SUFU: variants seen among roughly 807,000 people sequenced by gnomAD.
SUFU encodes the protein SUFU negative regulator of hedgehog signaling.
Under a neutral mutation model 58.9 loss-of-function variants are expected in SUFU, and 7 were observed. That is an observed-to-expected ratio of 0.12 (90% confidence interval 0.07 to 0.22). The LOEUF is 0.22. Ranked by LOEUF, SUFU falls within the 10% of genes least tolerant of loss-of-function variation. SUFU has a pLI of 1.00. For missense variants in SUFU, 451 were observed against 641.3 expected, an observed-to-expected ratio of 0.70 and a Z score of 3.20; for synonymous variants, 232 against 254.8, an observed-to-expected ratio of 0.91 and a Z score of 0.85.
At chr10:102,523,794 T>TCATG (rs763224567) in intron 2 of SUFU, among the ~76,000 whole-genome samples, 1 of 152,242 alleles carries the variant, frequency 6.6e-6, no homozygotes, top group Non-Finnish European at 1.5e-5. Context: ...GACACTCATC[T>TCATG]CATGAATCAT....
intron 6 of SUFU, among the ~76,000 whole-genome samples, chr10:102,594,869 C>G (rs1390657952): frequency 6.7e-6 from 1 of 149,768 alleles, no homozygotes; most frequent in Middle Eastern, 3.2e-3. Flanking sequence ...CAGGCGCCCA[C>G]CACCACGCCC....
chr10:102,568,962 ATC>A (rs1554849321), intron 3 of SUFU, among the ~76,000 whole-genome samples: 2 of 80,924 alleles, frequency 2.5e-5, no homozygotes, highest in Non-Finnish European at 4.7e-5. Flanking sequence ...ATATATATAT[ATC>A]TATAGCAGTG....
chr10:102,585,203 A>G (rs1264648833), intron 3 of SUFU, among the ~76,000 whole-genome samples: 2 of 152,166 alleles, frequency 1.3e-5, no homozygotes, highest in African/African-American at 4.8e-5. Flanking sequence ...CATCACCATA[A>G]AAAAAGAACC....
At chr10:102,607,060 A>ATTTTTTTT (rs34836365) in intron 8 of SUFU, among the ~76,000 whole-genome samples, 4 of 143,928 alleles carry the variant, frequency 2.8e-5, no homozygotes, top group Admixed American at 1.4e-4. Flanking sequence ...GGTAAGAGTA[A>ATTTTTTTT]TTTTTTTTTT....
chr10:102,504,819 C>G (rs1465016307), intron 1 of SUFU, among the ~76,000 whole-genome samples: 2 of 151,868 alleles, frequency 1.3e-5, no homozygotes, highest in African/African-American at 2.4e-5. Flanking sequence ...GCCCAGGGCT[C>G]TCCTGTGGTG....
intron 10 of SUFU, among the ~76,000 whole-genome samples, chr10:102,621,497 G>A (rs1409760359): frequency 5.3e-5 from 8 of 152,190 alleles, no homozygotes; most frequent in East Asian, 3.9e-4. Flanking sequence ...ACTGCAGCCC[G>A]CTACCTGCCG....
At chr10:102,573,146 G>A in intron 3 of SUFU, 1 of 772,662 alleles carries the variant, frequency 1.3e-6, no homozygotes, top group Non-Finnish European at 2.3e-6. Flanking sequence ...TTTCAACACT[G>A]CCTTCTTGGC....
intron 3 of SUFU, among the ~76,000 whole-genome samples, chr10:102,580,288 C>T (rs1274894565): frequency 6.6e-6 from 1 of 152,180 alleles, no homozygotes; most frequent in Admixed American, 6.5e-5. Flanking sequence ...CTTTTCCTCT[C>T]CTTGCAGGAG....
chr10:102,517,094 G>C (rs2062480255), intron 2 of SUFU, among the ~76,000 whole-genome samples: 1 of 146,212 alleles, frequency 6.8e-6, no homozygotes, highest in Non-Finnish European at 1.5e-5. Flanking sequence ...TTGCACTCTA[G>C]CCTGGGCAAT....
At chr10:102,514,878 C>G (rs765026625) in intron 2 of SUFU, among the ~76,000 whole-genome samples, 2 of 152,272 alleles carry the variant, frequency 1.3e-5, no homozygotes, top group African/African-American at 2.4e-5. Context: ...CATTTGAGAA[C>G]TCAGGCAGAC....
At chr10:102,525,161 A>G (rs1306054429) in intron 2 of SUFU, among the ~76,000 whole-genome samples, 1 of 151,944 alleles carries the variant, frequency 6.6e-6, no homozygotes, top group Admixed American at 6.6e-5. Context: ...CCCAGGCTGG[A>G]GTGCGGTAGT....
chr10:102,578,649 C>T lies in SUFU; in HGVS notation c.455-13933C>T, dbSNP rs558619489. Among the ~76,000 whole-genome samples the T allele has an allele frequency of 7.4e-5, 11 of 148,490 alleles. No homozygotes were observed. The East Asian group carries it at 1.4e-3, about 19-fold the overall frequency. On this transcript the variant is annotated intron_variant, in intron 3 of 11. Transcript: ENST00000369902. Reference sequence around the variant, plus strand: ...CTTGGACCTGTGAGGCAGAGGTTGCCGTGAGCTGAGATCATGTCACCGCAC... The same window carrying T: ...CTTGGACCTGTGAGGCAGAGGTTGCTGTGAGCTGAGATCATGTCACCGCAC...
intron 2 of SUFU, among the ~76,000 whole-genome samples, chr10:102,548,779 ACTTC>A (rs2062879888): frequency 6.6e-6 from 1 of 151,522 alleles, no homozygotes; most frequent in African/African-American, 2.4e-5. Context: ...CCTTTCAGGG[ACTTC>A]CCTGAGACTT....
chr10:102,594,148 C>T (rs2063436290), intron 6 of SUFU, 83 bp downstream of exon 6: 1 of 1,393,084 alleles, frequency 7.2e-7, no homozygotes, highest in Non-Finnish European at 1.0e-6. Context: ...CCTGGGAAAA[C>T]AGAGGACCTT....
At position 102,619,435 on chromosome 10, in the gene SUFU, A is replaced by G; in HGVS notation, c.1296+2007A>G. On this transcript the variant is annotated intron_variant, in intron 10 of 11. Transcript: ENST00000369902. The surrounding 1 kb of genome is among the most constrained non-coding windows in gnomAD (Gnocchi z 4.2). ...GAGCTGCTGGCCTCGGCATGTTTCA[A>G]TAAAGTTGCTGTGCTGGGAGCTACT... 5 of 1,321,544 alleles carry G rather than the reference A, an allele frequency of 3.8e-6. No individual in the cohort carries two copies. In the South Asian group the frequency reaches 6.8e-5, roughly 18 times the overall value. The allele number at this position is 1,321,544 out of a possible 1,614,324, so 81.9% of individuals were successfully genotyped here.
intron 7 of SUFU, 26 bp downstream of exon 7, chr10:102,597,319 C>T (rs766479819): frequency 6.2e-7 from 1 of 1,606,904 alleles, no homozygotes; most frequent in Non-Finnish European, 8.5e-7. Flanking sequence ...CAGCATTCCA[C>T]CAGCCTTCCT....
intron 2 of SUFU, among the ~76,000 whole-genome samples, chr10:102,535,793 G>C (rs1433832552): frequency 6.6e-6 from 1 of 152,164 alleles, no homozygotes; most frequent in African/African-American, 2.4e-5. Flanking sequence ...CTGACCTTGG[G>C]CCTCTCTTGC....
chr10:102,561,386 T>C (rs536229588), intron 3 of SUFU, among the ~76,000 whole-genome samples: 48 of 152,284 alleles, frequency 3.2e-4, no homozygotes, highest in African/African-American at 1.1e-3. Flanking sequence ...TGTGTTTTGT[T>C]TGAGACAGAG....
chr10:102,540,692 G>A (rs1310625287), intron 2 of SUFU, among the ~76,000 whole-genome samples: 1 of 150,176 alleles, frequency 6.7e-6, no homozygotes, highest in African/African-American at 2.5e-5. Context: ...CTATACCCGT[G>A]GCATTCATTC....
Sources: gnomAD v4.1 joint callset for allele counts (sites outside exome capture counted in the v4.1 genomes callset) on GRCh38, gnomAD v4.1.1 for gene constraint, Gnocchi (gnomAD v3.1) non-coding constraint, MANE v1.5 for transcripts, NCBI Gene and HGNC (gene_info 2026-07-23, HGNC 2026-07-21) for gene names.